The following SOCS7 variants were observed in gnomAD, a reference collection of about 807,000 sequenced individuals.
SOCS7 encodes the protein suppressor of cytokine signaling 7.
Under a neutral mutation model 58.9 loss-of-function variants are expected in SOCS7, and 18 were observed. The ratio of observed to expected loss-of-function variants is 0.31; its 90% CI spans 0.21 to 0.45. SOCS7 has a LOEUF of 0.45. SOCS7 is among the 20% of genes least tolerant of loss of function. The probability of loss-of-function intolerance (pLI) is 1.00; values close to 1 mark genes in which losing one functional copy is unlikely to be tolerated. For missense variants in SOCS7, 667 were observed against 837.3 expected, an observed-to-expected ratio of 0.80 and a Z score of 2.51; for synonymous variants, 388 against 364.3, an observed-to-expected ratio of 1.06 and a Z score of -0.74.
At chr17:38,371,968 T>C (rs2037874109) in intron 6 of SOCS7, among the ~76,000 whole-genome samples, 1 of 152,004 alleles carries the variant, frequency 6.6e-6, no homozygotes, top group Non-Finnish European at 1.5e-5. Flanking sequence ...TTTTTTGCAC[T>C]CAACACGCAC....
At chr17:38,359,284 A>G (rs1282661017) in intron 1 of SOCS7, among the ~76,000 whole-genome samples, 1 of 152,196 alleles carries the variant, frequency 6.6e-6, no homozygotes, top group Non-Finnish European at 1.5e-5. Context: ...CTGTGTGGCC[A>G]TATCTTATTT....
intron 5 of SOCS7, among the ~76,000 whole-genome samples, chr17:38,367,443 A>T (rs1295524771): frequency 6.7e-6 from 1 of 149,612 alleles, no homozygotes; most frequent in Non-Finnish European, 1.5e-5. Context: ...GCGCAATACC[A>T]GCTCACTGCA....
intron 7 of SOCS7, among the ~76,000 whole-genome samples, chr17:38,385,445 CTTT>C (rs1368366565): frequency 1.1e-5 from 1 of 93,080 alleles, no homozygotes; most frequent in Admixed American, 9.6e-5. Flanking sequence ...TCTTTTCTTT[CTTT>C]TTTTTTTTTT....
intron 2 of SOCS7, 89 bp from the exon 3 acceptor site, chr17:38,364,663 T>C: frequency 9.5e-7 from 1 of 1,050,322 alleles, no homozygotes; most frequent in South Asian, 1.3e-5. Context: ...ACCCCCAGCC[T>C]CGCCTGCTTG....
At chr17:38,380,396 C>T (rs1022321276) in intron 7 of SOCS7, among the ~76,000 whole-genome samples, 3 of 151,780 alleles carry the variant, frequency 2.0e-5, no homozygotes, top group East Asian at 1.9e-4. Context: ...TTTGGGAGTC[C>T]GAGGTGGGTG....
At chr17:38,379,487 AAAC>A (rs2037974713) in intron 7 of SOCS7, among the ~76,000 whole-genome samples, 2 of 152,132 alleles carry the variant, frequency 1.3e-5, no homozygotes, top group Non-Finnish European at 2.9e-5. Context: ...AAAAAAACAA[AAAC>A]AACAAAAAAG....
At chr17:38,377,885 T>A (rs762388836) in intron 7 of SOCS7, 43 bp downstream of exon 7, 1 of 1,589,268 alleles carries the variant, frequency 6.3e-7, no homozygotes, top group South Asian at 1.1e-5. Flanking sequence ...AAGTTGGGTA[T>A]GATCCAGTTT....
chr17:38,352,553 C>T lies in SOCS7; in HGVS notation c.501C>T (p.Ala167=). The change falls in exon 1 of 10, where the codon GCC becomes GCT. Residue 167 remains alanine, a synonymous_variant. Transcript: ENST00000612932. This position sits in a 1 kb window ranked among gnomAD's most constrained non-coding sequence, Gnocchi z 5.5. ...AGCCGCCTGCTGCCGCCCCGCAGGC[C>T]GGGGAGGACCCCACGGAAACGAGCG... ...QPQPPAAAPQ[A]GEDPTETSDA... The T allele has an allele frequency of 1.9e-6, 3 of 1,549,390 alleles. No individual in the cohort carries two copies. The highest frequency in any genetic ancestry group is 2.6e-6 in the Non-Finnish European group (3 of 1,146,506).
At position 38,401,031 on chromosome 17, in the gene SOCS7, G is replaced by A. The variant is rs889745315; in HGVS notation, c.*1549G>A. The A allele has an allele frequency of 1.3e-5, 2 of 152,166 alleles. No homozygotes were observed. The highest frequency in any genetic ancestry group is 4.8e-5 in the African/African-American group (2 of 41,438). The allele number at this position is 152,166 out of a possible 1,614,324, so 9.4% of individuals were successfully genotyped here. A position where few individuals can be genotyped will look rare whatever the true frequency, so the allele number is the denominator to read the frequency against. ...GACAGATACTAATGTCAGGTTTGTG[G>A]CTTCCTGATGGTTTGGGTGGGGCCC... On this transcript the variant is annotated 3_prime_UTR_variant, in exon 10 of 10. Transcript: ENST00000612932.
intron 1 of SOCS7, among the ~76,000 whole-genome samples, chr17:38,354,904 A>G (rs2037613531): frequency 6.6e-6 from 1 of 152,168 alleles, no homozygotes; most frequent in Non-Finnish European, 1.5e-5. Flanking sequence ...ATGACATTAT[A>G]CGGTTTTTTG....
intron 1 of SOCS7, among the ~76,000 whole-genome samples, chr17:38,356,680 A>C (rs1308836752): frequency 6.6e-6 from 1 of 151,896 alleles, no homozygotes; most frequent in African/African-American, 2.4e-5. Flanking sequence ...CATCTCTTTA[A>C]AAAGAAAGAA....
rs535235287 is a variant in SOCS7, at chr17:38,382,677, C to T, written c.1681+4835C>T. ...CTAATTTTTGTATTTTTAGTAGAGA[C>T]GGGGTTTCACCATGTTGGCCAGGCT... On this transcript the variant is annotated intron_variant, in intron 7 of 9. Transcript: ENST00000612932. Among the ~76,000 whole-genome samples the T allele has an allele frequency of 2.4e-4, 37 of 151,952 alleles. 1 individual carries two copies. Among genetic ancestry groups the T allele is most frequent in the African/African-American group, 7.7e-4 (32 of 41,438 alleles).
At chr17:38,379,532 C>A (rs1444444618) in intron 7 of SOCS7, among the ~76,000 whole-genome samples, 1 of 152,016 alleles carries the variant, frequency 6.6e-6, no homozygotes, top group Admixed American at 6.6e-5. Context: ...TCATGCTTTC[C>A]CATTGAATCA....
At chr17:38,357,376 G>A (rs904239781) in intron 1 of SOCS7, among the ~76,000 whole-genome samples, 2 of 152,148 alleles carry the variant, frequency 1.3e-5, no homozygotes, top group Non-Finnish European at 2.9e-5. Flanking sequence ...AGTGGTTGTG[G>A]TTGGCAGCTC....
Position 38,353,009 on chromosome 17 carries a change from G to T in SOCS7, c.957G>T (p.Ala319=). ...AASLTDMGGS[A]GRELDAGRKP... is the part of the protein sequence containing the mutation. ...GCCTGACAGACATGGGAGGCTCTGC[G>T]GGCCGGGAGCTGGACGCGGGGAGGT... Residue 319 remains alanine (A), a synonymous_variant, in exon 1 of 10, where the codon GCG becomes GCT. Coordinates refer to ENST00000612932, the MANE Select transcript of SOCS7 (RefSeq NM_014598.4). 1 of 1,595,226 alleles carries T rather than the reference G, an allele frequency of 6.3e-7. No homozygotes were observed. Among genetic ancestry groups the T allele is most frequent in the Non-Finnish European group, 8.5e-7 (1 of 1,171,568 alleles).
At chr17:38,371,083 G>T (rs1408411444) in intron 6 of SOCS7, among the ~76,000 whole-genome samples, 1 of 152,114 alleles carries the variant, frequency 6.6e-6, no homozygotes, top group Admixed American at 6.6e-5. Context: ...TCTCTTGACT[G>T]ATTAGTATCC....
chr17:38,363,181 G>A (rs984422410), intron 2 of SOCS7, among the ~76,000 whole-genome samples: 6 of 151,944 alleles, frequency 3.9e-5, no homozygotes, highest in Admixed American at 6.6e-5. Flanking sequence ...CTTGAATGAC[G>A]TCCTTTATGT....
chr17:38,364,655 C>T, intron 2 of SOCS7, 97 bp from the exon 3 acceptor site: 1 of 947,330 alleles, frequency 1.1e-6, no homozygotes, highest in Admixed American at 1.8e-5. Flanking sequence ...AGCAGCAGAC[C>T]CCCAGCCTCG....
intron 7 of SOCS7, among the ~76,000 whole-genome samples, chr17:38,388,068 G>A (rs1042653059): frequency 4.6e-5 from 7 of 151,642 alleles, no homozygotes; most frequent in South Asian, 4.1e-4. Flanking sequence ...GTGAACCACC[G>A]TGCCTGGCCC....
Sources: allele counts gnomAD v4.1 joint callset (sites outside exome capture counted in the v4.1 genomes callset), GRCh38; gene constraint gnomAD v4.1.1; non-coding constraint Gnocchi (gnomAD v3.1); transcripts MANE v1.5; gene names NCBI Gene and HGNC (gene_info 2026-07-23, HGNC 2026-07-21).